IST1: variants seen among roughly 807,000 people sequenced by gnomAD.
IST1 encodes the protein IST1 homolog.
Under a neutral mutation model 37.0 loss-of-function variants are expected in IST1, and 23 were observed. The ratio of observed to expected loss-of-function variants is 0.62; its 90% CI spans 0.45 to 0.88. The LOEUF (loss-of-function observed/expected upper bound fraction) is 0.88. IST1 is among the 40% of genes least tolerant of loss of function. IST1 has a pLI of 0.00. For missense variants in IST1, 488 were observed against 445.4 expected (o/e 1.10, Z -0.86); for synonymous variants, 180 against 161.7 (o/e 1.11, Z -0.86).
Position 71,922,585 on chromosome 16 carries a change from G to A in IST1, c.664G>A (p.Gly222Ser). 1 of 1,613,454 alleles carries A rather than the reference G, an allele frequency of 6.2e-7. No individual in the cohort carries two copies. Among genetic ancestry groups the A allele is most frequent in the Non-Finnish European group, 8.5e-7 (1 of 1,179,880 alleles). ...GAGTGGTGGCTTCACAGCACCAGTT[G>A]GTGGACCTGATGGAACGGTGCCAAT... ...GGSGGFTAPV[G>S]GPDGTVPMPM... Residue 222 changes from glycine to serine, a missense_variant, in exon 7 of 10, where the codon GGT (glycine) becomes AGT (serine). Coordinates refer to ENST00000378799, the MANE Select transcript of IST1 (RefSeq NM_001270975.2).
chr16:71,912,716 C>G (rs984357336), intron 1 of IST1, among the ~76,000 whole-genome samples: 1 of 152,310 alleles, frequency 6.6e-6, no homozygotes, highest in Non-Finnish European at 1.5e-5. Context: ...CATAAACTTT[C>G]ATCTTTCAAA....
At chr16:71,908,252 T>G (rs1436552530) in intron 1 of IST1, among the ~76,000 whole-genome samples, 1 of 151,456 alleles carries the variant, frequency 6.6e-6, no homozygotes, top group African/African-American at 2.4e-5. Flanking sequence ...TGTCTTTACT[T>G]TTTAATCTTT....
chr16:71,915,455 G>C (rs1307955620), intron 1 of IST1, 171 bp from the exon 2 acceptor site: 4 of 531,530 alleles, frequency 7.5e-6, no homozygotes, highest in African/African-American at 2.0e-5. Flanking sequence ...TCCCCAATCA[G>C]TTTTTTTTAC....
chr16:71,916,950 C>T (rs1014859434), intron 3 of IST1, 97 bp from the exon 4 acceptor site: 4 of 724,552 alleles, frequency 5.5e-6, no homozygotes, highest in African/African-American at 5.3e-5. Context: ...GTGAGATTCA[C>T]AGAATGGCTT....
intron 1 of IST1, among the ~76,000 whole-genome samples, chr16:71,914,115 G>GTTGT (rs10681144): frequency 0.8 from 120,333 of 150,816 alleles, 48,323 homozygotes; most frequent in East Asian, 0.98. Context: ...GCTGGTTTTT[G>GTTGT]TTGTTTGTTG....
intron 1 of IST1, among the ~76,000 whole-genome samples, chr16:71,906,430 C>G (rs1335028935): frequency 1.3e-5 from 2 of 152,020 alleles, no homozygotes; most frequent in African/African-American, 4.8e-5. Flanking sequence ...GCCTCAGCTT[C>G]CTGAGTAGCT....
intron 8 of IST1, chr16:71,924,393 C>G (rs772943584): frequency 2.6e-6 from 1 of 384,782 alleles, no homozygotes; most frequent in Non-Finnish European, 5.0e-6. Context: ...GCGTTCGAGA[C>G]CAGCCTGGGC....
rs373252628 is a variant in IST1, at chr16:71,930,105, G to A, written c.*2292G>A. On this transcript the variant is annotated 3_prime_UTR_variant, in exon 10 of 10. Transcript: ENST00000378799. Reference sequence around the variant, plus strand: ...GCCATGAGAATGGCCGAAACGAAAAGATTAATTACCACAAGTACCATCAAG... The same window carrying A: ...GCCATGAGAATGGCCGAAACGAAAAAATTAATTACCACAAGTACCATCAAG... The A allele has an allele frequency of 3.9e-6, 6 of 1,551,494 alleles. No homozygotes were observed. In the East Asian group the frequency reaches 1.2e-4, roughly 32 times the overall value.
intron 4 of IST1, among the ~76,000 whole-genome samples, chr16:71,920,309 C>A (rs2037551093): frequency 6.6e-6 from 1 of 152,174 alleles, no homozygotes; most frequent in South Asian, 2.1e-4. Context: ...TTAACAGCTA[C>A]ATAGGATACG....
Position 71,915,733 on chromosome 16 carries a change from G to A in IST1, c.88+5G>A. 2 of 1,579,060 alleles carry A rather than the reference G, an allele frequency of 1.3e-6. No homozygotes were observed. Among genetic ancestry groups the A allele is most frequent in the Non-Finnish European group, 1.7e-6 (2 of 1,150,234 alleles). On this transcript the variant is annotated splice_donor_5th_base_variant and intron_variant, in intron 2 of 9. Coordinates refer to ENST00000378799, the MANE Select transcript of IST1 (RefSeq NM_001270975.2). ...AACTATTGGAGAAAAAGAAAAGTGA[G>A]TAGTGTACTTTTTTTCCCCAAAAAT...
At position 71,928,569 on chromosome 16, in the gene IST1, CATTACTGGCAGAGAAAGGACAA is replaced by C. The variant is rs1424219785; in HGVS notation, c.*757_*778del. 2 of 152,618 alleles carry C rather than the reference CATTACTGGCAGAGAAAGGACAA, an allele frequency of 1.3e-5. No individual in the cohort carries two copies. The highest frequency in any genetic ancestry group is 4.8e-5 in the African/African-American group (2 of 41,430). The allele number at this position is 152,618 out of a possible 1,614,324, so 9.5% of individuals were successfully genotyped here. ...CCCTGTAGCATATTGTGTTGGATTGCATTACTGGCAGAGAAAGGACAAGGTGCCATTCAAGTCCTAGGGTGGG... is the reference window on the plus strand; with the variant it reads ...CCCTGTAGCATATTGTGTTGGATTGCGGTGCCATTCAAGTCCTAGGGTGGG... On this transcript the variant is annotated 3_prime_UTR_variant, in exon 10 of 10. Coordinates refer to ENST00000378799, the MANE Select transcript of IST1 (RefSeq NM_001270975.2).
At position 71,895,574 on chromosome 16, in the gene IST1, G is replaced by T; in HGVS notation, c.-31G>T. On this transcript the variant is annotated 5_prime_UTR_variant, in exon 1 of 10. Transcript: ENST00000378799. The stretch of plus-strand genomic sequence containing the variant: ...TGAAGTCGGTGTCTGCTGCGTTCAC[G>T]GCAGGATTCGGTTAGGTGAGTGTGG... The T allele has an allele frequency of 1.0e-6, 1 of 985,192 alleles. No individual in the cohort carries two copies. Among genetic ancestry groups the T allele is most frequent in the South Asian group, 4.7e-5 (1 of 21,344 alleles). The allele number at this position is 985,192 out of a possible 1,614,324, so 61.0% of individuals were successfully genotyped here. A position where few individuals can be genotyped will look rare whatever the true frequency, so the allele number is the denominator to read the frequency against.
chr16:71,923,451 A>C, intron 8 of IST1, 71 bp downstream of exon 8: 1 of 940,390 alleles, frequency 1.1e-6, no homozygotes, highest in Non-Finnish European at 1.7e-6. Flanking sequence ...AATAATGACC[A>C]CAGGGAAGGC....
At chr16:71,905,902 G>A (rs1233346151) in intron 1 of IST1, among the ~76,000 whole-genome samples, 1 of 151,832 alleles carries the variant, frequency 6.6e-6, no homozygotes, top group Admixed American at 6.6e-5. Flanking sequence ...AGAGCCATCT[G>A]TAACAGATAT....
At chr16:71,913,972 C>T (rs1407463478) in intron 1 of IST1, among the ~76,000 whole-genome samples, 3 of 151,894 alleles carry the variant, frequency 2.0e-5, no homozygotes, top group Non-Finnish European at 4.4e-5. Context: ...CCACGCCTGG[C>T]TAATTTTGTA....
intron 1 of IST1, among the ~76,000 whole-genome samples, chr16:71,906,672 C>A (rs2037231433): frequency 6.6e-6 from 1 of 152,100 alleles, no homozygotes; most frequent in Non-Finnish European, 1.5e-5. Flanking sequence ...AGTTTTCCCT[C>A]ATCTGAGAAT....
intron 1 of IST1, among the ~76,000 whole-genome samples, chr16:71,912,288 A>G (rs999514498): frequency 2.6e-5 from 4 of 152,060 alleles, no homozygotes; most frequent in Non-Finnish European, 5.9e-5. Flanking sequence ...CTCAGGCTGG[A>G]GTGCGGTGGC....
chr16:71,924,898 A>C (rs923734122), intron 9 of IST1, 81 bp downstream of exon 9: 14 of 996,368 alleles, frequency 1.4e-5, no homozygotes, highest in East Asian at 4.8e-5. Flanking sequence ...TCCCTTAGAG[A>C]CTGTTTCCAT....
intron 9 of IST1, among the ~76,000 whole-genome samples, chr16:71,926,282 AAAAGAATAT>A (rs1190043477): frequency 6.6e-6 from 1 of 152,176 alleles, no homozygotes; most frequent in Non-Finnish European, 1.5e-5. Flanking sequence ...ACTTTGTCTA[AAAAGAATAT>A]AAATAATATT....
Sources: gnomAD v4.1 joint callset for allele counts (sites outside exome capture counted in the v4.1 genomes callset) on GRCh38, gnomAD v4.1.1 for gene constraint, MANE v1.5 for transcripts, NCBI Gene and HGNC (gene_info 2026-07-23, HGNC 2026-07-21) for gene names.